Variants in HADHB observed in about 807,000 individuals in gnomAD.
HADHB encodes trifunctional enzyme subunit beta, mitochondrial.
Under a neutral mutation model 61.9 loss-of-function variants are expected in HADHB, and 50 were observed. That is an observed-to-expected ratio of 0.81 (90% CI 0.64 to 1.02). The LOEUF (loss-of-function observed/expected upper bound fraction) is 1.02. HADHB is among the 50% of genes least tolerant of loss of function. The probability of loss-of-function intolerance (pLI) is 0.00; values close to 1 mark genes in which losing one functional copy is unlikely to be tolerated. For missense variants in HADHB, 504 were observed against 586.5 expected (o/e 0.86, Z 1.45); for synonymous variants, 191 against 201.6 (o/e 0.95, Z 0.45).
rs764241198 is a variant in HADHB at position 26,285,459 on chromosome 2, TG to T, written c.1280del (p.Gly427AspfsTer28). The part of the protein sequence containing the change: ...KFNNWGGSLS[L>X]GHPFGATGCR... ...AATAACTGGGGTGGATCTCTGTCCC[TG>T]GGACACCCATTTGGAGCCACTGGCT... On this transcript the variant is annotated frameshift_variant, in exon 15 of 16. Coordinates refer to ENST00000317799, the MANE Select transcript of HADHB (RefSeq NM_000183.3). LOFTEE classifies it high-confidence loss of function. The T allele has an allele frequency of 6.2e-7, 1 of 1,613,700 alleles. No homozygotes were observed. Among genetic ancestry groups the T allele is most frequent in the Admixed American group, 1.7e-5 (1 of 60,010 alleles).
intron 10 of HADHB, among the ~76,000 whole-genome samples, chr2:26,282,482 A>G (rs1429849763): frequency 2.0e-5 from 3 of 151,924 alleles, no homozygotes; most frequent in Non-Finnish European, 4.4e-5. Flanking sequence ...GGATGGTCTC[A>G]ATCACCTGCC....
chr2:26,283,754 C>T (rs1239958755), intron 12 of HADHB, among the ~76,000 whole-genome samples: 2 of 152,192 alleles, frequency 1.3e-5, no homozygotes, highest in Admixed American at 6.6e-5. Context: ...CATGTTTAGA[C>T]TCTGTTCCGT....
At chr2:26,263,680 A>C (rs1365176300) in intron 4 of HADHB, among the ~76,000 whole-genome samples, 1 of 152,206 alleles carries the variant, frequency 6.6e-6, no homozygotes, top group Non-Finnish European at 1.5e-5. Context: ...CTCATGAATA[A>C]GTCTAGCGTA....
At chr2:26,256,969 C>G (rs1671637533) in intron 3 of HADHB, among the ~76,000 whole-genome samples, 1 of 152,160 alleles carries the variant, frequency 6.6e-6, no homozygotes, top group African/African-American at 2.4e-5. Flanking sequence ...GCTGTGGCCT[C>G]AATCAGTCCT....
intron 5 of HADHB, 33 bp from the exon 6 acceptor site, chr2:26,273,618 A>T (rs745482490): frequency 8.3e-7 from 1 of 1,206,736 alleles, no homozygotes; most frequent in Non-Finnish European, 1.2e-6. Flanking sequence ...TTGATGTGTG[A>T]AATGTTTCTT....
At chr2:26,264,436 G>A (rs1480922363) in intron 4 of HADHB, among the ~76,000 whole-genome samples, 1 of 151,510 alleles carries the variant, frequency 6.6e-6, no homozygotes, top group Non-Finnish European at 1.5e-5. Context: ...TGTAGTCCCA[G>A]CTACTCAGGA....
intron 3 of HADHB, 82 bp from the exon 4 acceptor site, chr2:26,263,298 T>TA (rs75496350): frequency 0.09 from 61,886 of 689,658 alleles, 1 homozygote; most frequent in East Asian, 0.11. Context: ...GACTCCATCT[T>TA]AAAAAAAAAA....
intron 15 of HADHB, among the ~76,000 whole-genome samples, chr2:26,288,426 A>G (rs750296565): frequency 6.6e-6 from 1 of 151,998 alleles, no homozygotes; most frequent in South Asian, 2.1e-4. Flanking sequence ...TGTACTTAAC[A>G]TGCCAGGTGT....
At chr2:26,251,755 T>G (rs756463954) in intron 1 of HADHB, among the ~76,000 whole-genome samples, 9 of 152,174 alleles carry the variant, frequency 5.9e-5, no homozygotes, top group Non-Finnish European at 1.3e-4. Flanking sequence ...GTTTGGAACA[T>G]GTTTTGTTTT....
At chr2:26,284,526 G>T (rs1030864934) in intron 13 of HADHB, among the ~76,000 whole-genome samples, 4 of 150,422 alleles carry the variant, frequency 2.7e-5, no homozygotes, top group Non-Finnish European at 1.5e-5. Context: ...GTAGTGGCAC[G>T]ATCTCGGCTC....
In HADHB at chr2:26,254,377, G is replaced by A. The variant is rs567812886; in HGVS notation, c.65-53G>A. On this transcript the variant is annotated intron_variant, in intron 2 of 15. Transcript: ENST00000317799. Reference sequence around the variant, plus strand: ...TTGGATTTGGATTTATAAACATCTCGCACAGATACTGAATGGTATTGCTTT... The same window carrying A: ...TTGGATTTGGATTTATAAACATCTCACACAGATACTGAATGGTATTGCTTT... 76 of 1,459,218 alleles carry A rather than the reference G, an allele frequency of 5.2e-5. No homozygotes were observed. The Middle Eastern group carries it at 8.7e-4, about 17-fold the overall frequency. The allele number at this position is 1,459,218 out of a possible 1,614,324, so 90.4% of individuals were successfully genotyped here.
At chr2:26,271,367 C>T (rs193170994) in intron 5 of HADHB, among the ~76,000 whole-genome samples, 6 of 152,008 alleles carry the variant, frequency 3.9e-5, no homozygotes, top group African/African-American at 9.6e-5. Context: ...ATTAGCTGGG[C>T]GTAGTAGCAC....
Position 26,278,594 on chromosome 2 carries a change from G to T in HADHB, c.443-20G>T. ...ATTTTCTGTAAAAGATATTCATGAA[G>T]TATAACCTGTGCCCTGTAGGTGTTG... On this transcript the variant is annotated intron_variant, in intron 7 of 15. Coordinates refer to ENST00000317799, the MANE Select transcript of HADHB (RefSeq NM_000183.3). 6.2e-7 allele frequency: 1 copy of T among 1,600,256 alleles called. No individual in the cohort carries two copies.
At chr2:26,268,018 G>A (rs1161785559) in intron 4 of HADHB, among the ~76,000 whole-genome samples, 5 of 151,924 alleles carry the variant, frequency 3.3e-5, no homozygotes, top group African/African-American at 4.8e-5. Context: ...AGCAGACACC[G>A]GTAGTCCTAC....
chr2:26,288,992 C>CT (rs1033253277), intron 15 of HADHB, among the ~76,000 whole-genome samples: 17 of 152,226 alleles, frequency 1.1e-4, no homozygotes, highest in African/African-American at 3.9e-4. Flanking sequence ...TGGCTCATGC[C>CT]TGTAATCCAG....
Position 26,269,968 on chromosome 2 carries a change from G to A in HADHB, c.225G>A (p.Met75Ile), listed in dbSNP as rs1252787471. 1 of 1,608,834 alleles carries A rather than the reference G, an allele frequency of 6.2e-7. No homozygotes were observed. The highest frequency in any genetic ancestry group is 1.7e-5 in the Admixed American group (1 of 59,998). The change falls in exon 5 of 16, where the codon ATG becomes ATA. Residue 75 changes from methionine to isoleucine, a missense_variant. Coordinates refer to ENST00000317799, the MANE Select transcript of HADHB (RefSeq NM_000183.3). The part of the protein sequence containing the change: ...LLSGTSYKDL[M>I]PHDLARAALT... ...CGTTCCCCAGATATAAAGACCTGAT[G>A]CCACATGATTTGGCTAGAGCAGCGC...
intron 4 of HADHB, among the ~76,000 whole-genome samples, chr2:26,265,943 A>G (rs772066179): frequency 6.6e-6 from 1 of 152,114 alleles, no homozygotes; most frequent in Admixed American, 6.6e-5. Context: ...GCTCACACCT[A>G]TAATTCCAGC....
At chr2:26,256,258 G>T (rs1671603088) in intron 3 of HADHB, among the ~76,000 whole-genome samples, 1 of 152,244 alleles carries the variant, frequency 6.6e-6, no homozygotes, top group Non-Finnish European at 1.5e-5. Flanking sequence ...GCATGTGCCT[G>T]TGCTGAGCAG....
rs573061070 is a variant in HADHB, at chr2:26,281,194, A to T, written c.933+1079A>T. Among the ~76,000 whole-genome samples the T allele has an allele frequency of 2.6e-5, 4 of 152,060 alleles. No individual in the cohort carries two copies. The South Asian group carries it at 6.2e-4, about 24-fold the overall frequency. On this transcript the variant is annotated intron_variant, in intron 10 of 15. Transcript: ENST00000317799. ...CATGCTTTTCTGACTCCTCAATTAA[A>T]CATCTTTATTGATTCTGCTGCTGCT...
Sources: gnomAD v4.1 joint callset for allele counts (sites outside exome capture counted in the v4.1 genomes callset) on GRCh38, gnomAD v4.1.1 for gene constraint, MANE v1.5 for transcripts, NCBI Gene and HGNC (gene_info 2026-07-23, HGNC 2026-07-21) for gene names.